The following SCAI variants were observed in gnomAD, a reference collection of about 807,000 sequenced individuals.
SCAI encodes suppressor of cancer cell invasion, also known as protein SCAI.
SCAI carries 24 observed loss-of-function variants against 92.2 expected under a neutral mutation model. The observed-to-expected ratio is 0.26, with a 90% CI of 0.19 to 0.37. The LOEUF is 0.37. Among genes scored for constraint, SCAI ranks in the 10% least tolerant of loss-of-function variants. SCAI has a pLI of 1.00. For missense variants in SCAI, 450 were observed against 736.2 expected (o/e 0.61, Z 4.50); for synonymous variants, 261 against 258.6 (o/e 1.01, Z -0.09).
At chr9:125,075,548 C>A (rs1001068509) in intron 2 of SCAI, among the ~76,000 whole-genome samples, 5 of 151,484 alleles carry the variant, frequency 3.3e-5, no homozygotes, top group African/African-American at 1.2e-4. Flanking sequence ...TAGGCATGCA[C>A]CACCACGTCC....
At chr9:125,051,268 C>T (rs978686385) in intron 3 of SCAI, among the ~76,000 whole-genome samples, 1 of 152,182 alleles carries the variant, frequency 6.6e-6, no homozygotes, top group Non-Finnish European at 1.5e-5. Flanking sequence ...GGTGATCTGC[C>T]TGCCTCAGCC....
rs1831218585 is a variant in SCAI at position 124,950,547 on chromosome 9, A to C, written c.*2260T>G. ...ACAGGACTTAAGGGGAATTGAAACA[A>C]GAGGTCAGAAAACCGAAGATAGTCT... On this transcript the variant is annotated 3_prime_UTR_variant, in exon 18 of 18. Transcript: ENST00000336505. 6.6e-6 allele frequency: 1 copy of C among 152,242 alleles called. No individual in the cohort carries two copies. The highest frequency in any genetic ancestry group is 6.5e-5 in the Admixed American group (1 of 15,276). The allele number at this position is 152,242 out of a possible 1,614,324, so 9.4% of individuals were successfully genotyped here.
At chr9:124,991,351 C>CA (rs34976572) in intron 14 of SCAI, among the ~76,000 whole-genome samples, 4,952 of 40,260 alleles carry the variant, frequency 0.12, 984 homozygotes, top group Admixed American at 0.18. Flanking sequence ...AACTCCGTCT[C>CA]AAAAAAAAAA....
chr9:125,119,990 T>C (rs945734137), intron 2 of SCAI, among the ~76,000 whole-genome samples: 1 of 152,144 alleles, frequency 6.6e-6, no homozygotes. Flanking sequence ...TAGAAATCCA[T>C]GGCATTTTTA....
intron 13 of SCAI, among the ~76,000 whole-genome samples, chr9:124,997,879 A>C (rs1832273347): frequency 6.6e-6 from 1 of 150,792 alleles, no homozygotes; most frequent in Non-Finnish European, 1.5e-5. Context: ...CTGTCTCAAA[A>C]AAAAAAAAAA....
At chr9:125,003,982 C>G (rs953901130) in intron 9 of SCAI, among the ~76,000 whole-genome samples, 1 of 151,996 alleles carries the variant, frequency 6.6e-6, no homozygotes, top group Non-Finnish European at 1.5e-5. Flanking sequence ...TCGAGACCAG[C>G]CTGGCCAACA....
chr9:125,067,948 A>G (rs1833905526), intron 2 of SCAI, among the ~76,000 whole-genome samples: 1 of 152,244 alleles, frequency 6.6e-6, no homozygotes, highest in African/African-American at 2.4e-5. Flanking sequence ...CAAAGCAACA[A>G]GAAAAACTGC....
chr9:125,061,822 C>G (rs1833773535), intron 2 of SCAI, among the ~76,000 whole-genome samples: 1 of 151,582 alleles, frequency 6.6e-6, no homozygotes, highest in South Asian at 2.1e-4. Flanking sequence ...GAATTCATCA[C>G]CAGCAGAACA....
At chr9:125,055,833 T>C in intron 3 of SCAI, 43 bp downstream of exon 3, 2 of 1,533,264 alleles carry the variant, frequency 1.3e-6, no homozygotes, top group South Asian at 2.6e-5. Flanking sequence ...AAAAAACAAA[T>C]GCAGAACTAA....
intron 2 of SCAI, among the ~76,000 whole-genome samples, chr9:125,110,656 C>T (rs926447912): frequency 6.6e-6 from 1 of 152,178 alleles, no homozygotes; most frequent in Admixed American, 6.5e-5. Flanking sequence ...TAAGACCTGC[C>T]TGCTTCTCCT....
chr9:125,123,026 G>C (rs1023725483), intron 2 of SCAI, among the ~76,000 whole-genome samples: 1 of 152,146 alleles, frequency 6.6e-6, no homozygotes, highest in Non-Finnish European at 1.5e-5. Context: ...CACCAGCCAG[G>C]TGTTACCTCA....
intron 5 of SCAI, among the ~76,000 whole-genome samples, chr9:125,027,518 T>C (rs1832986633): frequency 6.6e-6 from 1 of 152,164 alleles, no homozygotes; most frequent in Admixed American, 6.5e-5. Context: ...CTTTTCTTTT[T>C]TCTAATTTTT....
In SCAI at chr9:125,018,829, G is replaced by A. The variant is rs200657393; in HGVS notation, c.831C>T (p.Asp277=). 49 of 1,612,222 alleles carry A rather than the reference G, an allele frequency of 3.0e-5. No individual in the cohort carries two copies. The highest frequency in any genetic ancestry group is 1.7e-4 in the Middle Eastern group (1 of 6,060). Residue 277 remains aspartate, a synonymous_variant, in exon 9 of 18, where the codon GAC becomes GAT. Coordinates refer to ENST00000336505, the MANE Select transcript of SCAI (RefSeq NM_001144877.3). Reference sequence around the variant, plus strand: ...TATTACAATTACCAATAATGAGTGCGTCAGCCAGAGACAACTGTCCCACAA... The same window carrying A: ...TATTACAATTACCAATAATGAGTGCATCAGCCAGAGACAACTGTCCCACAA... ...GMIVGQLSLA[D]ALIIGNCNNQ... is the part of the protein sequence containing the mutation.
intron 2 of SCAI, among the ~76,000 whole-genome samples, chr9:125,114,338 C>G (rs1834993209): frequency 6.6e-6 from 1 of 151,786 alleles, no homozygotes. Context: ...AGAAGTTGTA[C>G]AATACCCAAC....
rs1252020049 is a variant in SCAI at position 125,143,501 on chromosome 9, C to G, written c.-64G>C. The G allele has an allele frequency of 2.3e-6, 3 of 1,287,964 alleles. No homozygotes were observed. The highest frequency in any genetic ancestry group is 6.3e-5 in the East Asian group (2 of 31,710). The allele number at this position is 1,287,964 out of a possible 1,614,324, so 79.8% of individuals were successfully genotyped here. ...GCAGGGCTCGCTCGGGAAGCTGAGGCGGCGGAGGCTGGAGTAGGCGGAGAG... is the reference window on the plus strand; with the variant it reads ...GCAGGGCTCGCTCGGGAAGCTGAGGGGGCGGAGGCTGGAGTAGGCGGAGAG... On this transcript the variant is annotated 5_prime_UTR_variant, in exon 1 of 18. Coordinates refer to ENST00000336505, the MANE Select transcript of SCAI (RefSeq NM_001144877.3).
chr9:125,106,096 C>CACAAAAAAAAAA (rs1299930738), intron 2 of SCAI, among the ~76,000 whole-genome samples: 2 of 18,778 alleles, frequency 1.1e-4, no homozygotes, highest in African/African-American at 4.4e-4. Flanking sequence ...GACTCCATCT[C>CACAAAAAAAAAA]AAAAAAAAAA....
intron 14 of SCAI, among the ~76,000 whole-genome samples, chr9:124,979,675 C>T (rs78165674): frequency 0.011 from 1,740 of 152,174 alleles, 89 homozygotes; most frequent in Admixed American, 0.083. Context: ...TGGGACTAGG[C>T]GGGAGGAAGA....
At chr9:125,013,710 G>A (rs1391631955) in intron 9 of SCAI, among the ~76,000 whole-genome samples, 1 of 152,096 alleles carries the variant, frequency 6.6e-6, no homozygotes, top group Non-Finnish European at 1.5e-5. Context: ...ACCAAAGCCG[G>A]GCAGAGACAC....
intron 2 of SCAI, among the ~76,000 whole-genome samples, chr9:125,100,048 C>A (rs943742533): frequency 2.2e-4 from 33 of 152,236 alleles, no homozygotes; most frequent in African/African-American, 7.7e-4. Flanking sequence ...TCTGGGCACA[C>A]GCCCAGAAGT....
Sources: allele counts gnomAD v4.1 joint callset (sites outside exome capture counted in the v4.1 genomes callset), GRCh38; gene constraint gnomAD v4.1.1; transcripts MANE v1.5; gene names NCBI Gene and HGNC (gene_info 2026-07-23, HGNC 2026-07-21).